The following PTPRT variants were observed in gnomAD, a reference collection of about 807,000 sequenced individuals.
PTPRT encodes the protein receptor-type tyrosine-protein phosphatase T.
Under a neutral mutation model 176.8 loss-of-function variants are expected in PTPRT, and 56 were observed. The ratio of observed to expected loss-of-function variants is 0.32; its 90% confidence interval spans 0.26 to 0.40. The LOEUF (loss-of-function observed/expected upper bound fraction) is 0.40. Among genes scored for constraint, PTPRT ranks in the 10% least tolerant of loss-of-function variants. The pLI is 1.00. For synonymous variants in PTPRT, 783 were observed against 739.0 expected (o/e 1.06, Z -0.96); for missense variants, 1,540 against 1,908.2 (o/e 0.81, Z 3.60).
chr20:43,158,658 C>A (rs899711970), intron 1 of PTPRT, among the ~76,000 whole-genome samples: 5 of 152,168 alleles, frequency 3.3e-5, no homozygotes, highest in African/African-American at 1.2e-4. Context: ...GCAAGGCACC[C>A]CAAGGGGTAC....
rs1568774368 is a variant in PTPRT, at chr20:43,083,369, T to TATATATATAC, written c.88+106276_88+106277insGTATATATAT. ...ATATATATATATATATATATATATA[T>TATATATATAC]ACATTTTTTGAGACAGAGTCTCGCT... is the stretch of plus-strand genomic sequence containing the variant. On this transcript the variant is annotated intron_variant, in intron 1 of 30. Coordinates refer to ENST00000373187, the MANE Select transcript of PTPRT (RefSeq NM_007050.6). Among the ~76,000 whole-genome samples, 8 of 110,230 alleles carry TATATATATAC rather than the reference T, an allele frequency of 7.3e-5. No homozygotes were observed. The East Asian group carries it at 9.4e-4, about 13-fold the overall frequency. 72.3% of individuals were successfully genotyped at this position (110,230 alleles called of 152,430 possible). A position where few individuals can be genotyped will look rare whatever the true frequency, so the allele number is the denominator to read the frequency against.
chr20:42,138,033 G>C (rs1038731358), intron 18 of PTPRT, among the ~76,000 whole-genome samples: 2 of 152,254 alleles, frequency 1.3e-5, no homozygotes, highest in Non-Finnish European at 2.9e-5. Context: ...CATTCTCAAA[G>C]TTGCACATGC....
intron 1 of PTPRT, among the ~76,000 whole-genome samples, chr20:43,015,949 A>G (rs1004506223): frequency 7.4e-4 from 61 of 82,080 alleles, no homozygotes; most frequent in African/African-American, 3.4e-3. Context: ...TTTCAAAAAG[A>G]AAAAAAAAAA....
chr20:42,767,635 A>G lies in PTPRT; in HGVS notation c.684+3800T>C, dbSNP rs187509696. Among the ~76,000 whole-genome samples, 1,407 of 148,644 alleles carry G rather than the reference A, an allele frequency of 9.5e-3. 35 individuals carry two copies. Among genetic ancestry groups the G allele is most frequent in the African/African-American group, 0.032 (1,323 of 40,830 alleles). On this transcript the variant is annotated intron_variant, in intron 5 of 30. Transcript: ENST00000373187. ...AGGAAACACTTATTAAAAAAACTATATATACACAAATATATATTAATATAT... is the reference window on the plus strand; with the variant it reads ...AGGAAACACTTATTAAAAAAACTATGTATACACAAATATATATTAATATAT...
At chr20:42,915,229 C>T (rs1020883902) in intron 1 of PTPRT, among the ~76,000 whole-genome samples, 2 of 152,178 alleles carry the variant, frequency 1.3e-5, no homozygotes, top group Non-Finnish European at 2.9e-5. Flanking sequence ...CAATGCGGTT[C>T]GAAATCTGAG....
chr20:42,233,607 C>A (rs1297272835), intron 15 of PTPRT, among the ~76,000 whole-genome samples: 2 of 152,132 alleles, frequency 1.3e-5, no homozygotes, highest in African/African-American at 4.8e-5. Context: ...AGTCTAGCAA[C>A]TGGTTCATCT....
At position 42,780,251 on chromosome 20, in the gene PTPRT, C is replaced by A. The variant is rs547641233; in HGVS notation, c.535G>T (p.Val179Leu). The part of the protein sequence containing the change: ...SLKGHPGYIA[V>L]DEVRVLAHPC... ...TGAGCAAGGACCCGGACCTCGTCCA[C>A]GGCGATGTAGCCAGGATGACCCTTC... is the stretch of plus-strand genomic sequence containing the variant. The change falls in exon 4 of 31, where the codon GTG becomes TTG. Residue 179 changes from valine (V) to leucine (L), a missense_variant. Coordinates refer to ENST00000373187, the MANE Select transcript of PTPRT (RefSeq NM_007050.6). The A allele has an allele frequency of 6.2e-7, 1 of 1,614,012 alleles. No individual in the cohort carries two copies. The highest frequency in any genetic ancestry group is 2.2e-5 in the East Asian group (1 of 44,872).
At chr20:42,347,370 C>A (rs927536197) in intron 11 of PTPRT, among the ~76,000 whole-genome samples, 3 of 152,216 alleles carry the variant, frequency 2.0e-5, no homozygotes, top group Admixed American at 6.5e-5. Context: ...ACTCACACAA[C>A]TGCACACTGC....
intron 1 of PTPRT, among the ~76,000 whole-genome samples, chr20:42,948,453 G>C (rs1269358703): frequency 6.6e-6 from 1 of 152,188 alleles, no homozygotes; most frequent in Non-Finnish European, 1.5e-5. Context: ...GAACAGCTCA[G>C]GGATGGTCAT....
intron 11 of PTPRT, 104 bp from the exon 12 acceptor site, chr20:42,316,100 G>T: frequency 1.5e-6 from 2 of 1,324,260 alleles, no homozygotes; most frequent in Non-Finnish European, 2.1e-6. Flanking sequence ...GGAAGCATTG[G>T]TTCGGTCTAC....
chr20:42,555,603 C>T (rs934568348), intron 7 of PTPRT, among the ~76,000 whole-genome samples: 3 of 152,118 alleles, frequency 2.0e-5, no homozygotes, highest in South Asian at 2.1e-4. Flanking sequence ...CCCGGCATCC[C>T]GGACACCGCC....
chr20:42,771,378 CCTT>C, intron 5 of PTPRT, 54 bp downstream of exon 5: 1 of 1,459,708 alleles, frequency 6.9e-7, no homozygotes, highest in Non-Finnish European at 9.6e-7. Context: ...TCCTTCCAGT[CCTT>C]CTTTTCCCTT....
At chr20:42,487,650 C>T (rs978294948) in intron 7 of PTPRT, among the ~76,000 whole-genome samples, 1 of 152,110 alleles carries the variant, frequency 6.6e-6, no homozygotes, top group Non-Finnish European at 1.5e-5. Flanking sequence ...GAACAGCAAG[C>T]AAAGGCATAG....
At chr20:42,584,286 C>T (rs373092712) in intron 7 of PTPRT, among the ~76,000 whole-genome samples, 2 of 152,184 alleles carry the variant, frequency 1.3e-5, no homozygotes, top group African/African-American at 2.4e-5. Flanking sequence ...TCTACGTGAT[C>T]TCCCACTATT....
intron 6 of PTPRT, among the ~76,000 whole-genome samples, chr20:42,723,612 T>C (rs1403740965): frequency 2.0e-5 from 3 of 152,190 alleles, no homozygotes; most frequent in Non-Finnish European, 4.4e-5. Flanking sequence ...AATACCCCTC[T>C]TCCACTCTAC....
chr20:43,059,836 G>A (rs1987381973), intron 1 of PTPRT, among the ~76,000 whole-genome samples: 1 of 151,912 alleles, frequency 6.6e-6, no homozygotes, highest in African/African-American at 2.4e-5. Context: ...AAAATTACCT[G>A]GGCATGGTGG....
At chr20:43,049,349 A>G (rs1986961389) in intron 1 of PTPRT, among the ~76,000 whole-genome samples, 1 of 152,196 alleles carries the variant, frequency 6.6e-6, no homozygotes, top group South Asian at 2.1e-4. Flanking sequence ...ACATACATAC[A>G]TACATGCATA....
chr20:42,776,659 C>A (rs2077139591), intron 4 of PTPRT, among the ~76,000 whole-genome samples: 2 of 151,602 alleles, frequency 1.3e-5, no homozygotes, highest in South Asian at 4.2e-4. Flanking sequence ...GCAGCTTTAG[C>A]AAACTAACGC....
chr20:42,182,145 G>A (rs1990550851), intron 16 of PTPRT, among the ~76,000 whole-genome samples: 1 of 152,288 alleles, frequency 6.6e-6, no homozygotes, highest in Admixed American at 6.5e-5. Context: ...AGTAGCCAGA[G>A]ATGAGACTAA....
Sources: allele counts gnomAD v4.1 joint callset (sites outside exome capture counted in the v4.1 genomes callset), GRCh38; gene constraint gnomAD v4.1.1; transcripts MANE v1.5; gene names NCBI Gene and HGNC (gene_info 2026-07-23, HGNC 2026-07-21).